Variants in ZNF559 observed in about 807,000 individuals in gnomAD.
ZNF559 encodes zinc finger protein 559.
A neutral mutation model predicts 14.2 loss-of-function variants in ZNF559; 17 were observed. That is an observed-to-expected ratio of 1.20 (90% CI 0.82 to 1.80). The LOEUF is 1.80. Ranked by LOEUF, ZNF559 falls within the 40% of genes most tolerant of loss-of-function variation. The pLI is 0.00. For missense variants in ZNF559, 740 were observed against 629.7 expected (o/e 1.18, Z -1.88); for synonymous variants, 244 against 212.4 (o/e 1.15, Z -1.29).
intron 2 of ZNF559, among the ~76,000 whole-genome samples, chr19:9,328,010 A>T (rs372156117): frequency 6.6e-6 from 1 of 152,214 alleles, no homozygotes; most frequent in African/African-American, 2.4e-5. Context: ...GTGGACATCT[A>T]TGGCCTTACA....
At chr19:9,338,050 G>A in intron 3 of ZNF559, 192 bp downstream of exon 3, 3 of 1,518,346 alleles carry the variant, frequency 2.0e-6, no homozygotes, top group Non-Finnish European at 2.7e-6. Flanking sequence ...TCAAGACGCT[G>A]CTTTAACCAG....
At chr19:9,340,987 A>G (rs1003374068) in intron 5 of ZNF559, 115 bp from the exon 6 acceptor site, 2 of 800,502 alleles carry the variant, frequency 2.5e-6, no homozygotes, top group Non-Finnish European at 4.0e-6. Flanking sequence ...AAAAAAACAA[A>G]CTATATTTCA....
At chr19:9,330,797 C>T (rs910320306) in intron 2 of ZNF559, among the ~76,000 whole-genome samples, 4 of 152,152 alleles carry the variant, frequency 2.6e-5, no homozygotes, top group African/African-American at 9.7e-5. Flanking sequence ...TCACAGGTCT[C>T]CATTTCTTTT....
At chr19:9,326,049 T>C (rs1412665231) in intron 2 of ZNF559, among the ~76,000 whole-genome samples, 1 of 151,616 alleles carries the variant, frequency 6.6e-6, no homozygotes, top group Non-Finnish European at 1.5e-5. Flanking sequence ...AGTTGCCAGG[T>C]TGTTTGCATG....
At chr19:9,326,662 T>A (rs1164153664) in intron 2 of ZNF559, among the ~76,000 whole-genome samples, 2 of 152,190 alleles carry the variant, frequency 1.3e-5, no homozygotes, top group African/African-American at 4.8e-5. Flanking sequence ...TTTAATATAT[T>A]AAAAATGCAG....
At chr19:9,324,002 C>T (rs1353931466), upstream of ZNF559, 1 of 654,150 alleles carries the variant, frequency 1.5e-6, no homozygotes, top group East Asian at 2.7e-5. Context: ...GTAACCTGGA[C>T]AGCTTGCAGT....
chr19:9,323,781 G>T (rs2066422707), upstream of ZNF559: 3 of 193,578 alleles, frequency 1.5e-5, no homozygotes, highest in South Asian at 3.7e-4. Flanking sequence ...TCATTTACAG[G>T]AGGTGAGCAT....
At chr19:9,334,678 A>G (rs368096914) in intron 2 of ZNF559, among the ~76,000 whole-genome samples, 1 of 152,242 alleles carries the variant, frequency 6.6e-6, no homozygotes, top group African/African-American at 2.4e-5. Flanking sequence ...GTGAATATAT[A>G]TTTCAATTAA....
Position 9,324,818 on chromosome 19 carries a change from G to A in ZNF559, c.-120+38G>A, listed in dbSNP as rs757410999. 5.0e-5 allele frequency: 76 copies of A among 1,509,152 alleles called. No homozygotes were observed. In the African/African-American group the frequency reaches 9.4e-4, roughly 19 times the overall value. The allele number at this position is 1,509,152 out of a possible 1,614,324, so 93.5% of individuals were successfully genotyped here. On this transcript the variant is annotated intron_variant, in intron 2 of 6. Coordinates refer to ENST00000603380, the MANE Select transcript of ZNF559 (RefSeq NM_032497.3). Reference sequence around the variant, plus strand: ...TGCACTTGTTCTGGCTGTGGGTGTCGGGTCTTGAAGTTTAAGTTGTGTCGA... The same window carrying A: ...TGCACTTGTTCTGGCTGTGGGTGTCAGGTCTTGAAGTTTAAGTTGTGTCGA...
At chr19:9,325,607 A>G (rs950927715) in intron 2 of ZNF559, among the ~76,000 whole-genome samples, 3 of 152,120 alleles carry the variant, frequency 2.0e-5, no homozygotes, top group African/African-American at 7.2e-5. Context: ...CCTGGCCAAC[A>G]TAGTGAAACC....
At chr19:9,337,008 TAGA>T (rs2067275628) in intron 2 of ZNF559, among the ~76,000 whole-genome samples, 1 of 152,224 alleles carries the variant, frequency 6.6e-6, no homozygotes, top group South Asian at 2.1e-4. Context: ...GAATGAAGTC[TAGA>T]AGAAACCAGG....
At chr19:9,324,543 C>T (rs2066461893) in intron 1 of ZNF559, 152 bp from the exon 2 acceptor site, 6 of 1,235,008 alleles carry the variant, frequency 4.9e-6, no homozygotes, top group Non-Finnish European at 6.5e-6. Context: ...CTGTCATTCC[C>T]AGCGCTTTGG....
rs781460520 is a variant in ZNF559, at chr19:9,341,428, A to C, written c.243+244A>C. Reference sequence around the variant, plus strand: ...ATATGTATCTCAGATGTTTTTGATAAATAATTCACTCTTGGGCCGTTATCA... The same window carrying C: ...ATATGTATCTCAGATGTTTTTGATACATAATTCACTCTTGGGCCGTTATCA... On this transcript the variant is annotated intron_variant, in intron 6 of 6. Coordinates refer to ENST00000603380, the MANE Select transcript of ZNF559 (RefSeq NM_032497.3). 30 of 769,962 alleles carry C rather than the reference A, an allele frequency of 3.9e-5. No individual in the cohort carries two copies. The South Asian group carries it at 3.9e-4, about 10-fold the overall frequency. The allele number at this position is 769,962 out of a possible 1,614,324, so 47.7% of individuals were successfully genotyped here.
intron 5 of ZNF559, among the ~76,000 whole-genome samples, chr19:9,340,552 TTCTC>T (rs776761815): frequency 4.6e-4 from 67 of 146,790 alleles, no homozygotes; most frequent in Middle Eastern, 3.5e-3. Context: ...TTTCTTTTTT[TTCTC>T]TCTCTGTCTC....
At chr19:9,327,653 C>G (rs1014957424) in intron 2 of ZNF559, among the ~76,000 whole-genome samples, 16 of 152,156 alleles carry the variant, frequency 1.1e-4, no homozygotes, top group African/African-American at 3.9e-4. Context: ...TTTCTCCATT[C>G]TTTAGCTGAC....
intron 2 of ZNF559, among the ~76,000 whole-genome samples, chr19:9,327,571 A>T (rs559689646): frequency 1.4e-4 from 21 of 151,890 alleles, no homozygotes; most frequent in African/African-American, 5.1e-4. Flanking sequence ...TTTTAACATC[A>T]CTCAGTCATC....
intron 2 of ZNF559, among the ~76,000 whole-genome samples, chr19:9,336,484 G>A (rs1231326823): frequency 1.3e-5 from 2 of 151,956 alleles, no homozygotes; most frequent in Non-Finnish European, 2.9e-5. Flanking sequence ...CCAGCTACTC[G>A]GGAGGCTGAG....
intron 1 of ZNF559, 187 bp from the exon 2 acceptor site, chr19:9,324,508 T>G: frequency 7.5e-7 from 1 of 1,330,730 alleles, no homozygotes; most frequent in Non-Finnish European, 9.9e-7. Flanking sequence ...AGAAGCCTCA[T>G]AGGGCCCGGC....
chr19:9,342,391 A>C lies in ZNF559; in HGVS notation c.940A>C (p.Ile314Leu). The C allele has an allele frequency of 6.2e-7, 1 of 1,610,568 alleles. No individual in the cohort carries two copies. Among genetic ancestry groups the C allele is most frequent in the Non-Finnish European group, 8.5e-7 (1 of 1,178,750 alleles). The change falls in exon 7 of 7, where the codon ATT becomes CTT. Residue 314 changes from isoleucine (I) to leucine (L), a missense_variant. Transcript: ENST00000603380. ...ATTTACTTGTTTCTCAAAACTCAAC[A>C]TTCACATAAGGGTTCACACTGGAGA... is the stretch of plus-strand genomic sequence containing the variant. Reference protein sequence around the residue: ...KEFTCFSKLNIHIRVHTGEKP... With the variant: ...KEFTCFSKLNLHIRVHTGEKP...
Sources: allele counts gnomAD v4.1 joint callset (sites outside exome capture counted in the v4.1 genomes callset), GRCh38; gene constraint gnomAD v4.1.1; transcripts MANE v1.5; gene names NCBI Gene and HGNC (gene_info 2026-07-23, HGNC 2026-07-21).